The following SLC22A4 variants were observed in gnomAD, a reference collection of about 807,000 sequenced individuals.
The protein encoded by SLC22A4 is ET transporter.
Under a neutral mutation model 56.6 loss-of-function variants are expected in SLC22A4, and 39 were observed. That is an observed-to-expected ratio of 0.69 (90% CI 0.53 to 0.90). SLC22A4 has a LOEUF of 0.90. Ranked by LOEUF, SLC22A4 falls within the 40% of genes least tolerant of loss-of-function variation. SLC22A4 has a pLI of 0.00. For missense variants in SLC22A4, 594 were observed against 696.5 expected, an observed-to-expected ratio of 0.85 and a Z score of 1.66; for synonymous variants, 241 against 281.4, an observed-to-expected ratio of 0.86 and a Z score of 1.44.
At position 132,331,766 on chromosome 5, in the gene SLC22A4, C is replaced by T. The variant is rs140888297; in HGVS notation, c.962C>T (p.Pro321Leu). Reference protein sequence around the residue: ...VIFDSVEELNPLKQQKAFILD... With the variant: ...VIFDSVEELNLLKQQKAFILD... ...TTATTTTGGTTACAGGAGCTAAATCCCCTGAAGCAGCAGAAAGCTTTCATT... is the reference window on the plus strand; with the variant it reads ...TTATTTTGGTTACAGGAGCTAAATCTCCTGAAGCAGCAGAAAGCTTTCATT... The change falls in exon 6 of 10, where the codon CCC becomes CTC. Residue 321 changes from proline to leucine, a missense_variant. Physicochemically the swap from Pro to Leu is moderately conservative, Grantham distance 98. Coordinates refer to ENST00000200652, the MANE Select transcript of SLC22A4 (RefSeq NM_003059.3). 7 of 1,611,642 alleles carry T rather than the reference C, an allele frequency of 4.3e-6. No homozygotes were observed. The highest frequency in any genetic ancestry group is 5.1e-6 in the Non-Finnish European group (6 of 1,177,936).
At chr5:132,323,324 T>G (rs910935864) in intron 4 of SLC22A4, among the ~76,000 whole-genome samples, 1 of 152,218 alleles carries the variant, frequency 6.6e-6, no homozygotes, top group Non-Finnish European at 1.5e-5. Context: ...ACCTCCTGAC[T>G]GGGAAGCTGT....
chr5:132,336,432 G>A (rs1164321183), intron 8 of SLC22A4, among the ~76,000 whole-genome samples: 2 of 152,252 alleles, frequency 1.3e-5, no homozygotes, highest in East Asian at 3.9e-4. Flanking sequence ...GCTGAGGTAG[G>A]AGAATTGCTT....
At chr5:132,295,066 G>T (rs371767201) in intron 1 of SLC22A4, 57 bp downstream of exon 1, 6 of 1,555,414 alleles carry the variant, frequency 3.9e-6, no homozygotes, top group East Asian at 4.7e-5. Context: ...CTCTGCGTCA[G>T]CCCCCCTTGA....
chr5:132,305,253 G>A (rs1705760901), intron 1 of SLC22A4, among the ~76,000 whole-genome samples: 1 of 152,028 alleles, frequency 6.6e-6, no homozygotes, highest in Non-Finnish European at 1.5e-5. Context: ...AGGAAAAAGG[G>A]AATAAAGAAA....
intron 9 of SLC22A4, among the ~76,000 whole-genome samples, chr5:132,341,606 T>C (rs1363130042): frequency 2.0e-5 from 3 of 151,884 alleles, no homozygotes; most frequent in Non-Finnish European, 4.4e-5. Flanking sequence ...TAAAAGGTAT[T>C]AGAACATTCA....
intron 4 of SLC22A4, 102 bp from the exon 5 acceptor site, chr5:132,327,175 C>T: frequency 4.1e-6 from 4 of 968,410 alleles, no homozygotes; most frequent in Non-Finnish European, 6.1e-6. Context: ...AAAAGACAAA[C>T]TAGAATTTTA....
intron 7 of SLC22A4, among the ~76,000 whole-genome samples, chr5:132,335,167 C>T (rs1750983672): frequency 1.3e-5 from 2 of 152,218 alleles, no homozygotes; most frequent in Admixed American, 1.3e-4. Context: ...GTAACTCTCC[C>T]AGTCATCCCC....
intron 1 of SLC22A4, 90 bp downstream of exon 1, chr5:132,295,099 T>C: frequency 7.2e-7 from 1 of 1,394,738 alleles, no homozygotes; most frequent in South Asian, 1.2e-5. Context: ...AGTGCCCGGG[T>C]CAGCGCTCCC....
At chr5:132,325,251 C>T (rs1194442683) in intron 4 of SLC22A4, among the ~76,000 whole-genome samples, 2 of 152,164 alleles carry the variant, frequency 1.3e-5, no homozygotes, top group African/African-American at 4.8e-5. Flanking sequence ...ATCTCTAATT[C>T]TGCACTAATA....
At position 132,294,592 on chromosome 5, in the gene SLC22A4, A is replaced by C. The variant is rs191877372; in HGVS notation, c.-25A>C. 1.7e-5 allele frequency: 27 copies of C among 1,614,070 alleles called. No individual in the cohort carries two copies. The highest frequency in any genetic ancestry group is 3.3e-4 in the Middle Eastern group (2 of 6,056). On this transcript the variant is annotated 5_prime_UTR_variant, in exon 1 of 10. Transcript: ENST00000200652. This position sits in a 1 kb window ranked among gnomAD's most constrained non-coding sequence, Gnocchi z 5.6. ...GAACGCTGTCATCACCCGTAGTTGC[A>C]AGTTTCGGAGCGGCAGTGGGAAGCA... is the stretch of plus-strand genomic sequence containing the variant.
At chr5:132,321,161 G>T (rs2126721410) in intron 3 of SLC22A4, among the ~76,000 whole-genome samples, 1 of 152,324 alleles carries the variant, frequency 6.6e-6, no homozygotes, top group Non-Finnish European at 1.5e-5. Flanking sequence ...GAGTTCAATG[G>T]GTGTGTGGAC....
chr5:132,329,442 G>A (rs1750791712), intron 5 of SLC22A4, among the ~76,000 whole-genome samples: 1 of 150,738 alleles, frequency 6.6e-6, no homozygotes, highest in Admixed American at 6.6e-5. Flanking sequence ...CCTACCAAAT[G>A]CCAGGCACTG....
At chr5:132,341,654 A>G (rs1275694856) in intron 9 of SLC22A4, among the ~76,000 whole-genome samples, 1 of 152,114 alleles carries the variant, frequency 6.6e-6, no homozygotes, top group Non-Finnish European at 1.5e-5. Context: ...TTGTCTCTTT[A>G]AAAAATGCAT....
At chr5:132,313,478 G>T in intron 2 of SLC22A4, 136 bp from the exon 3 acceptor site, 1 of 796,112 alleles carries the variant, frequency 1.3e-6, no homozygotes. Flanking sequence ...GGAGGAAGAT[G>T]GGAGGATGTG....
intron 3 of SLC22A4, among the ~76,000 whole-genome samples, chr5:132,314,879 G>A (rs1184616483): frequency 6.6e-6 from 1 of 152,212 alleles, no homozygotes; most frequent in Non-Finnish European, 1.5e-5. Flanking sequence ...GGAGAAGGGA[G>A]GAGACAAGGT....
intron 7 of SLC22A4, 150 bp downstream of exon 7, chr5:132,335,082 G>T: frequency 1.4e-6 from 1 of 694,978 alleles, no homozygotes. Flanking sequence ...TACGTATGTT[G>T]TTTCCTGTGT....
chr5:132,334,477 A>G (rs1750959894), intron 6 of SLC22A4, among the ~76,000 whole-genome samples: 1 of 152,246 alleles, frequency 6.6e-6, no homozygotes, highest in South Asian at 2.1e-4. Flanking sequence ...AATGTTTCAT[A>G]TCTATGTCGT....
intron 1 of SLC22A4, among the ~76,000 whole-genome samples, chr5:132,306,417 ATATATATATATATATATATATATATAGTT>A (rs1750037358): frequency 1.4e-5 from 1 of 73,582 alleles, no homozygotes; most frequent in African/African-American, 6.3e-5. Context: ...ATATATATAT[ATATATATATATATATATATATATATAGTT>A]GTTGTTGTTG....
At chr5:132,312,426 G>A (rs896309292) in intron 2 of SLC22A4, among the ~76,000 whole-genome samples, 162 bp downstream of exon 2, 4 of 152,074 alleles carry the variant, frequency 2.6e-5, no homozygotes, top group African/African-American at 4.8e-5. Flanking sequence ...TATTCACCCC[G>A]CCCTCAGTCC....
Sources: gnomAD v4.1 joint callset for allele counts (sites outside exome capture counted in the v4.1 genomes callset) on GRCh38, gnomAD v4.1.1 for gene constraint, Gnocchi (gnomAD v3.1) non-coding constraint, MANE v1.5 for transcripts, NCBI Gene and HGNC (gene_info 2026-07-23, HGNC 2026-07-21) for gene names.